The following SLC39A9 variants were observed in gnomAD, a reference collection of about 807,000 sequenced individuals.
SLC39A9 encodes zinc transporter ZIP9.
In SLC39A9, 14 loss-of-function variants were observed where a neutral mutation model predicts 28.4. The ratio of observed to expected loss-of-function variants is 0.49; its 90% confidence interval spans 0.33 to 0.77. The LOEUF (loss-of-function observed/expected upper bound fraction) is 0.77. Ranked by LOEUF, SLC39A9 falls within the 30% of genes least tolerant of loss-of-function variation. The probability of loss-of-function intolerance (pLI) is 0.02; values close to 1 mark genes in which losing one functional copy is unlikely to be tolerated. For missense variants in SLC39A9, 283 were observed against 381.1 expected (o/e 0.74, Z 2.14); for synonymous variants, 119 against 149.6 (o/e 0.80, Z 1.49).
chr14:69,406,037 C>CA (rs934975540), intron 1 of SLC39A9, among the ~76,000 whole-genome samples: 5 of 152,120 alleles, frequency 3.3e-5, no homozygotes, highest in Non-Finnish European at 4.4e-5. Context: ...CCAAATCAGT[C>CA]ACTTGACTAC....
chr14:69,440,987 A>G (rs957937040), intron 2 of SLC39A9, among the ~76,000 whole-genome samples: 1 of 152,208 alleles, frequency 6.6e-6, no homozygotes, highest in Non-Finnish European at 1.5e-5. Context: ...TTTAAGAGAC[A>G]GGATCTCTAG....
At chr14:69,417,001 T>G (rs181347617) in intron 1 of SLC39A9, among the ~76,000 whole-genome samples, 1,990 of 152,346 alleles carry the variant, frequency 0.013, 23 homozygotes, top group Non-Finnish European at 0.021. Flanking sequence ...CTATTTTGAC[T>G]TTTGTTGCCA....
Position 69,458,598 on chromosome 14 carries a change from T to G in SLC39A9, c.*5T>G. The G allele has an allele frequency of 6.2e-7, 1 of 1,604,750 alleles. No individual in the cohort carries two copies. The highest frequency in any genetic ancestry group is 8.5e-7 in the Non-Finnish European group (1 of 1,173,958). On this transcript the variant is annotated 3_prime_UTR_variant, in exon 7 of 7. Coordinates refer to ENST00000336643, the MANE Select transcript of SLC39A9 (RefSeq NM_018375.5). ...TCAGTAGGACACCAGCATTAAATGT[T>G]CAAGGTCCAGCCTTGGTCCAGGGCC...
chr14:69,448,214 C>CAAAAAAAAAA, intron 3 of SLC39A9, among the ~76,000 whole-genome samples: 1 of 87,212 alleles, frequency 1.1e-5, no homozygotes, highest in South Asian at 4.8e-4. Flanking sequence ...GACTCTGTCT[C>CAAAAAAAAAA]AAAAAAAAAA....
intron 1 of SLC39A9, among the ~76,000 whole-genome samples, chr14:69,419,042 G>A (rs918754049): frequency 6.6e-6 from 1 of 152,214 alleles, no homozygotes; most frequent in East Asian, 1.9e-4. Context: ...CTTGCCTTCT[G>A]CTAGCTTTTG....
intron 1 of SLC39A9, among the ~76,000 whole-genome samples, chr14:69,420,085 C>T (rs1483473303): frequency 6.6e-6 from 1 of 152,174 alleles, no homozygotes. Flanking sequence ...GCAGTTTCTT[C>T]CTAGCATTGA....
chr14:69,444,825 AG>A (rs2139431992), intron 3 of SLC39A9, among the ~76,000 whole-genome samples: 1 of 152,286 alleles, frequency 6.6e-6, no homozygotes, highest in South Asian at 2.1e-4. Context: ...AGATTCAGGC[AG>A]AGCGCAGTGG....
At chr14:69,425,190 G>C (rs1884120322) in intron 2 of SLC39A9, among the ~76,000 whole-genome samples, 2 of 152,180 alleles carry the variant, frequency 1.3e-5, no homozygotes, top group South Asian at 4.1e-4. Context: ...ATCCTACAGA[G>C]GGAGGGAGGA....
At chr14:69,435,307 TC>T (rs1884687187) in intron 2 of SLC39A9, among the ~76,000 whole-genome samples, 2 of 152,236 alleles carry the variant, frequency 1.3e-5, no homozygotes, top group Non-Finnish European at 2.9e-5. Flanking sequence ...CCCTCTTTAT[TC>T]CTGGTAATAT....
chr14:69,460,900 T>C lies in SLC39A9; in HGVS notation c.*2307T>C. The C allele has an allele frequency of 2.0e-6, 2 of 985,542 alleles. No individual in the cohort carries two copies. Among genetic ancestry groups the C allele is most frequent in the Non-Finnish European group, 2.4e-6 (2 of 830,010 alleles). The allele number at this position is 985,542 out of a possible 1,614,324, so 61.0% of individuals were successfully genotyped here. A position where few individuals can be genotyped will look rare whatever the true frequency, so the allele number is the denominator to read the frequency against. On this transcript the variant is annotated 3_prime_UTR_variant, in exon 7 of 7. Coordinates refer to ENST00000336643, the MANE Select transcript of SLC39A9 (RefSeq NM_018375.5). ...CCATACTAATCTCATAGGGCTCAAA[T>C]GCATCTTCAGGCAGCAGGGAACCAA...
At chr14:69,413,200 C>T (rs1354494483) in intron 1 of SLC39A9, among the ~76,000 whole-genome samples, 1 of 152,046 alleles carries the variant, frequency 6.6e-6, no homozygotes, top group Non-Finnish European at 1.5e-5. Context: ...ACTAAAAATA[C>T]AAAAAATAAG....
rs1281315925 is a variant in SLC39A9 at position 69,461,562 on chromosome 14, T to C, written c.*2969T>C. ...GCCAAGTGAGCCCTGTTCTGGTATT[T>C]TGAATCATTAGAGAAAAGAAAGGGA... On this transcript the variant is annotated 3_prime_UTR_variant, in exon 7 of 7. Coordinates refer to ENST00000336643, the MANE Select transcript of SLC39A9 (RefSeq NM_018375.5). 6.7e-6 allele frequency: 10 copies of C among 1,489,190 alleles called. No homozygotes were observed. The highest frequency in any genetic ancestry group is 8.9e-6 in the Non-Finnish European group (10 of 1,124,516). The allele number at this position is 1,489,190 out of a possible 1,614,324, so 92.2% of individuals were successfully genotyped here.
At chr14:69,455,956 A>G (rs1365795000) in intron 6 of SLC39A9, 90 bp downstream of exon 6, 16 of 1,432,338 alleles carry the variant, frequency 1.1e-5, no homozygotes, top group Non-Finnish European at 1.5e-5. Flanking sequence ...CCAATACATT[A>G]CTCTCTCAAA....
intron 1 of SLC39A9, among the ~76,000 whole-genome samples, chr14:69,408,705 A>G (rs1172870882): frequency 6.6e-6 from 1 of 152,206 alleles, no homozygotes; most frequent in East Asian, 1.9e-4. Flanking sequence ...TTGTGAGTCT[A>G]CAAGCCTCTA....
Position 69,458,873 on chromosome 14 carries a change from G to C in SLC39A9, c.*280G>C. ...AATATTTCTCTTAACCCTATTCTCA[G>C]GGAAGATGGAATTTAGTTTTAAGGA... is the stretch of plus-strand genomic sequence containing the variant. On this transcript the variant is annotated 3_prime_UTR_variant, in exon 7 of 7. Coordinates refer to ENST00000336643, the MANE Select transcript of SLC39A9 (RefSeq NM_018375.5). 8.8e-7 allele frequency: 1 copy of C among 1,139,700 alleles called. No homozygotes were observed. Among genetic ancestry groups the C allele is most frequent in the Non-Finnish European group, 1.1e-6 (1 of 928,124 alleles). 70.6% of individuals were successfully genotyped at this position (1,139,700 alleles called of 1,614,324 possible).
chr14:69,426,208 G>A (rs1884180423), intron 2 of SLC39A9, among the ~76,000 whole-genome samples: 1 of 151,988 alleles, frequency 6.6e-6, no homozygotes, highest in Non-Finnish European at 1.5e-5. Flanking sequence ...ACAGATCTAG[G>A]GCTCAGTCCC....
At chr14:69,450,123 AG>A in intron 3 of SLC39A9, among the ~76,000 whole-genome samples, 1 of 152,068 alleles carries the variant, frequency 6.6e-6, no homozygotes, top group East Asian at 1.9e-4. Context: ...TGGGAGACAG[AG>A]GTTTCAGTGA....
chr14:69,412,772 C>T (rs1206203067), intron 1 of SLC39A9, among the ~76,000 whole-genome samples: 1 of 152,150 alleles, frequency 6.6e-6, no homozygotes, highest in African/African-American at 2.4e-5. Context: ...GAAGGGGTTA[C>T]AGGGACAAAC....
At chr14:69,454,540 A>G (rs967941274) in intron 4 of SLC39A9, among the ~76,000 whole-genome samples, 2 of 152,256 alleles carry the variant, frequency 1.3e-5, no homozygotes, top group East Asian at 1.9e-4. Context: ...TAGTTTTCCA[A>G]TAACAACAAC....
Sources: gnomAD v4.1 joint callset for allele counts (sites outside exome capture counted in the v4.1 genomes callset) on GRCh38, gnomAD v4.1.1 for gene constraint, MANE v1.5 for transcripts, NCBI Gene and HGNC (gene_info 2026-07-23, HGNC 2026-07-21) for gene names.